Variants in LRP3 observed in about 807,000 individuals in gnomAD.
LRP3 encodes low-density lipoprotein receptor-related protein 3.
Under a neutral mutation model 58.5 loss-of-function variants are expected in LRP3, and 49 were observed. The observed-to-expected ratio is 0.84, with a 90% CI of 0.67 to 1.06. The LOEUF (loss-of-function observed/expected upper bound fraction) is 1.06. Ranked by LOEUF, LRP3 falls within the 50% of genes least tolerant of loss-of-function variation. The pLI, the probability that LRP3 is intolerant of heterozygous loss-of-function variation, is 0.00. For missense variants in LRP3, 1,019 were observed against 1,134.2 expected, an observed-to-expected ratio of 0.90 and a Z score of 1.46; for synonymous variants, 485 against 492.2, an observed-to-expected ratio of 0.99 and a Z score of 0.20.
rs754821729 is a variant in LRP3, at chr19:33,206,267, G to T, written c.1497G>T (p.Thr499=). 2.5e-6 allele frequency: 4 copies of T among 1,598,236 alleles called. No homozygotes were observed. The South Asian group carries it at 3.3e-5, about 13-fold the overall frequency. The part of the protein sequence containing the change: ...CLAAVPRKVI[T]AALIGSLVCG... ...CCGCCGTGCCCCGCAAGGTCATCAC[G>T]GCGGCGCTCATTGGCAGCCTGGTGT... Residue 499 remains threonine (T), a synonymous_variant, in exon 5 of 7, where the codon ACG becomes ACT. Coordinates refer to ENST00000253193, the MANE Select transcript of LRP3 (RefSeq NM_002333.4).
intron 1 of LRP3, among the ~76,000 whole-genome samples, 169 bp from the exon 2 acceptor site, chr19:33,196,561 G>A (rs1974287706): frequency 6.6e-6 from 1 of 152,146 alleles, no homozygotes; most frequent in Non-Finnish European, 1.5e-5. Context: ...GGGTGAGGTG[G>A]TAGGGACCCT....
intron 3 of LRP3, 149 bp from the exon 4 acceptor site, chr19:33,204,489 G>A: frequency 3.0e-6 from 2 of 660,714 alleles, no homozygotes; most frequent in Non-Finnish European, 5.4e-6. Context: ...GAGGAACCAG[G>A]CAGTCTGGAA....
rs376311103 is a variant in LRP3 at position 33,205,496 on chromosome 19, C to T, written c.726C>T (p.Asp242=). The change falls in exon 5 of 7, where the codon GAC becomes GAT. Residue 242 remains aspartate, a synonymous_variant. Transcript: ENST00000253193. Reference sequence around the variant, plus strand: ...GTGACGGCTTGCAGGACTGCGGCGACGGCTCGGATGAGGCGGGCTGCCCCG... The same window carrying T: ...GTGACGGCTTGCAGGACTGCGGCGATGGCTCGGATGAGGCGGGCTGCCCCG... ...RRCDGLQDCG[D]GSDEAGCPDL... is the part of the protein sequence containing the mutation. 1,580 of 1,580,554 alleles carry T rather than the reference C, an allele frequency of 1.0e-3. 2 individuals are homozygous for T. The highest frequency in any genetic ancestry group is 1.2e-3 in the Non-Finnish European group (1,440 of 1,166,388).
Position 33,206,313 on chromosome 19 carries a change from G to A in LRP3, c.1543G>A (p.Ala515Thr), listed in dbSNP as rs1568384098. 5.0e-6 allele frequency: 8 copies of A among 1,598,352 alleles called. No homozygotes were observed. The highest frequency in any genetic ancestry group is 6.8e-6 in the Non-Finnish European group (8 of 1,172,140). Residue 515 changes from alanine to threonine, a missense_variant, in exon 5 of 7, where the codon GCG becomes ACG. Physicochemically the swap from Ala to Thr is moderately conservative, Grantham distance 58. Transcript: ENST00000253193. Reference protein sequence around the residue: ...SLVCGLLLVIALGCAFKLYSL... With the variant: ...SLVCGLLLVITLGCAFKLYSL... ...GGTGTGTGGCCTGCTGCTGGTCATC[G>A]CGCTGGGCTGCGCCTTCAAGCTCTA...
At chr19:33,206,801 A>G in intron 6 of LRP3, 68 bp downstream of exon 6, 2 of 1,451,544 alleles carry the variant, frequency 1.4e-6, no homozygotes, top group South Asian at 2.9e-5. Context: ...AGGCTGGTCC[A>G]GGGGTCACAG....
intron 6 of LRP3, 113 bp downstream of exon 6, chr19:33,206,846 G>A (rs1974419817): frequency 7.7e-7 from 1 of 1,299,214 alleles, no homozygotes; most frequent in African/African-American, 1.5e-5. Flanking sequence ...GGTGACCTGA[G>A]GGCCCATGGC....
At position 33,203,001 on chromosome 19, in the gene LRP3, G is replaced by A; in HGVS notation, c.260+15G>A. On this transcript the variant is annotated intron_variant, in intron 3 of 6. Coordinates refer to ENST00000253193, the MANE Select transcript of LRP3 (RefSeq NM_002333.4). ...ATTACCATCAGGTAGGGGCACCCGG[G>A]GGTGTCGGAAGGAATCAATGTGGGC... The A allele has an allele frequency of 6.2e-7, 1 of 1,611,504 alleles. No homozygotes were observed. The highest frequency in any genetic ancestry group is 8.5e-7 in the Non-Finnish European group (1 of 1,178,714).
intron 1 of LRP3, among the ~76,000 whole-genome samples, chr19:33,195,417 T>TCAAGGCCAGG (rs1974275667): frequency 6.6e-6 from 1 of 151,928 alleles, no homozygotes; most frequent in Admixed American, 6.5e-5. Flanking sequence ...CAGGGACCGG[T>TCAAGGCCAGG]CAAGGCCAGG....
rs568718998 is a variant in LRP3, at chr19:33,208,273, T to G, written c.*698T>G. The G allele has an allele frequency of 2.0e-4, 34 of 166,692 alleles. No homozygotes were observed. The highest frequency in any genetic ancestry group is 7.2e-4 in the Admixed American group (13 of 18,082). 10.3% of individuals were successfully genotyped at this position (166,692 alleles called of 1,614,324 possible). ...CAGTGGCCACGTCTGTTCCATCCTA[T>G]CTCAGGGCCTCGGTTTCCCCACCTG... On this transcript the variant is annotated 3_prime_UTR_variant, in exon 7 of 7. Transcript: ENST00000253193. This position sits in a 1 kb window ranked among gnomAD's most constrained non-coding sequence, Gnocchi z 4.7.
Position 33,207,934 on chromosome 19 carries a change from T to C in LRP3, c.*359T>C, listed in dbSNP as rs946234859. ...AACAGCTGCCCCTAGAGCTGGGAGT[T>C]GTCATGAGGATGGGGCCGGGCCATG... On this transcript the variant is annotated 3_prime_UTR_variant, in exon 7 of 7. Coordinates refer to ENST00000253193, the MANE Select transcript of LRP3 (RefSeq NM_002333.4). 6.4e-6 allele frequency: 2 copies of C among 311,610 alleles called. No homozygotes were observed. The highest frequency in any genetic ancestry group is 1.2e-5 in the Non-Finnish European group (2 of 166,714). The allele number at this position is 311,610 out of a possible 1,614,324, so 19.3% of individuals were successfully genotyped here.
At chr19:33,197,077 G>A (rs187377023) in intron 2 of LRP3, among the ~76,000 whole-genome samples, 1 of 152,334 alleles carries the variant, frequency 6.6e-6, no homozygotes, top group Admixed American at 6.5e-5. Flanking sequence ...CCACCGGCAA[G>A]CTGCCGAGGG....
chr19:33,204,626 GC>G lies in LRP3; in HGVS notation c.261-5del, dbSNP rs556130307. 177 of 1,589,102 alleles carry G rather than the reference GC, an allele frequency of 1.1e-4. No individual in the cohort carries two copies. In the East Asian group the frequency reaches 2.6e-3, roughly 24 times the overall value. ...ACTGCCTCATGTCTGGGTCCTCTCC[GC>G]CCCCCCGCAGCTTCCGCAACTTTGA... On this transcript the variant is annotated splice_polypyrimidine_tract_variant and intron_variant, in intron 3 of 6. Coordinates refer to ENST00000253193, the MANE Select transcript of LRP3 (RefSeq NM_002333.4).
rs909490854 is a variant in LRP3 at position 33,207,078 on chromosome 19, C to T, written c.1816C>T (p.Arg606Cys). ...RRGPSRRRLGRLWNRLFHRPR... is the reference protein window; with the variant it reads ...RRGPSRRRLGCLWNRLFHRPR... Reference sequence around the variant, plus strand: ...GGGGCCCTCCCGCCGCCGCCTCGGCCGCCTCTGGAACCGGCTCTTTCACCG... The same window carrying T: ...GGGGCCCTCCCGCCGCCGCCTCGGCTGCCTCTGGAACCGGCTCTTTCACCG... Residue 606 changes from arginine to cysteine, a missense_variant, in exon 7 of 7, where the codon CGC (arginine) becomes TGC (cysteine). Physicochemically the swap from Arg to Cys is radical, Grantham distance 180. This residue lies in a region of LRP3 where 427 missense variants were observed against 408.6 expected (regional missense o/e 1.04). Transcript: ENST00000253193. The T allele has an allele frequency of 1.1e-5, 16 of 1,508,568 alleles. No individual in the cohort carries two copies. Among genetic ancestry groups the T allele is most frequent in the African/African-American group, 1.4e-5 (1 of 70,614 alleles). The allele number at this position is 1,508,568 out of a possible 1,614,324, so 93.4% of individuals were successfully genotyped here.
intron 2 of LRP3, among the ~76,000 whole-genome samples, chr19:33,200,474 C>A (rs1974330662): frequency 6.6e-6 from 1 of 152,138 alleles, no homozygotes; most frequent in African/African-American, 2.4e-5. Context: ...CAAATTATCC[C>A]CCCGCCTTGG....
chr19:33,204,401 G>C, intron 3 of LRP3: 3 of 568,608 alleles, frequency 5.3e-6, no homozygotes, highest in Non-Finnish European at 9.4e-6. Context: ...AATGACCTGC[G>C]TGGATGTCGC....
Position 33,204,757 on chromosome 19 carries a change from C to T in LRP3, c.380C>T (p.Ala127Val), listed in dbSNP as rs528178931. The T allele has an allele frequency of 1.2e-6, 2 of 1,612,998 alleles. No homozygotes were observed. Among genetic ancestry groups the T allele is most frequent in the South Asian group, 2.2e-5 (2 of 91,088 alleles). ...CTCTGTGGCTCCGCCATCCCACCTG[C>T]CTTCATCTCTGCCCGCGACCATGTC... ...FRLCGSAIPP[A>V]FISARDHVWI... Residue 127 changes from alanine (A) to valine (V), a missense_variant, in exon 4 of 7, where the codon GCC becomes GTC. Transcript: ENST00000253193.
intron 3 of LRP3, chr19:33,203,788 G>A (rs763235576): frequency 6.6e-6 from 1 of 152,198 alleles, no homozygotes; most frequent in African/African-American, 2.4e-5. Flanking sequence ...GGGTGGCTGG[G>A]GGCCAGGCTG....
chr19:33,204,990 G>A (rs1260722048), intron 4 of LRP3, 138 bp downstream of exon 4: 1 of 843,258 alleles, frequency 1.2e-6, no homozygotes, highest in African/African-American at 1.7e-5. Flanking sequence ...GTCAATCTCA[G>A]GACAGTGGCA....
rs1049724834 is a variant in LRP3, at chr19:33,208,209, C to G, written c.*634C>G. 1.2e-5 allele frequency: 2 copies of G among 161,822 alleles called. No homozygotes were observed. The highest frequency in any genetic ancestry group is 5.7e-5 in the Admixed American group (1 of 17,564). The allele number at this position is 161,822 out of a possible 1,614,324, so 10.0% of individuals were successfully genotyped here. A position where few individuals can be genotyped will look rare whatever the true frequency, so the allele number is the denominator to read the frequency against. ...CTCAAAGCCCCCAGGACATGCTGCT[C>G]TGTGCTTTCTGGGGACAGAGAGGCC... On this transcript the variant is annotated 3_prime_UTR_variant, in exon 7 of 7. Coordinates refer to ENST00000253193, the MANE Select transcript of LRP3 (RefSeq NM_002333.4). This position sits in a 1 kb window ranked among gnomAD's most constrained non-coding sequence, Gnocchi z 4.7.
Sources: allele counts gnomAD v4.1 joint callset (sites outside exome capture counted in the v4.1 genomes callset), GRCh38; gene constraint gnomAD v4.1.1; regional missense constraint gnomAD v4.1.1; non-coding constraint Gnocchi (gnomAD v3.1); transcripts MANE v1.5; gene names NCBI Gene and HGNC (gene_info 2026-07-23, HGNC 2026-07-21).